Variants in MTCL2 observed in about 807,000 individuals in gnomAD.
MTCL2 encodes the protein microtubule cross-linking factor 2.
At chr20:36,826,244 C>T in the MTCL2 span, among the ~76,000 whole-genome samples, 1 of 149,576 alleles carries the variant, frequency 6.7e-6, no homozygotes, top group Non-Finnish European at 1.5e-5. Context: ...CTCCTGACCT[C>T]ATGATCCGCC....
the MTCL2 span, chr20:36,804,701 A>C: frequency 6.2e-7 from 1 of 1,604,676 alleles, no homozygotes; most frequent in Non-Finnish European, 8.5e-7. Flanking sequence ...GGCTGAGAGT[A>C]AGGGGAGAGG....
chr20:36,811,646 A>C, the MTCL2 span, among the ~76,000 whole-genome samples: 2 of 151,944 alleles, frequency 1.3e-5, no homozygotes, highest in African/African-American at 2.4e-5. Flanking sequence ...AAAAAACAAA[A>C]AAAAGAATAG....
chr20:36,862,543 G>A, the MTCL2 span: 64 of 1,021,724 alleles, frequency 6.3e-5, no homozygotes, highest in East Asian at 2.0e-3. Flanking sequence ...CAGAGGGCTT[G>A]GGCCCCTTTC....
At chr20:36,816,965 A>G in the MTCL2 span, among the ~76,000 whole-genome samples, 3 of 152,234 alleles carry the variant, frequency 2.0e-5, no homozygotes, top group South Asian at 6.2e-4. Flanking sequence ...GGGCAGTGAA[A>G]CTAAGAAAAT....
chr20:36,839,498 G>T, the MTCL2 span: 49 of 1,531,788 alleles, frequency 3.2e-5, no homozygotes, highest in African/African-American at 4.5e-4. This position sits in a 1 kb window ranked among gnomAD's most constrained non-coding sequence, Gnocchi z 5.1. Flanking sequence ...TAGGAGGCCG[G>T]AGTACTGGCC....
chr20:36,810,275 T>C, the MTCL2 span, among the ~76,000 whole-genome samples: 4 of 152,340 alleles, frequency 2.6e-5, no homozygotes, highest in Admixed American at 2.0e-4. Flanking sequence ...AGGGTCGTCA[T>C]GATGATTAAA....
the MTCL2 span, among the ~76,000 whole-genome samples, chr20:36,803,995 G>A: frequency 1.3e-5 from 2 of 151,446 alleles, no homozygotes; most frequent in Non-Finnish European, 2.9e-5. Context: ...GTGGAATTGG[G>A]GTCACAGGGA....
At chr20:36,839,300 T>C in the MTCL2 span, 1 of 1,612,628 alleles carries the variant, frequency 6.2e-7, no homozygotes, top group South Asian at 1.1e-5. The surrounding 1 kb of genome is among the most constrained non-coding windows in gnomAD (Gnocchi z 5.1). Flanking sequence ...CGCTCGGCTT[T>C]GCGCAGCCGG....
At chr20:36,829,973 T>A in the MTCL2 span, among the ~76,000 whole-genome samples, 1 of 152,056 alleles carries the variant, frequency 6.6e-6, no homozygotes, top group Non-Finnish European at 1.5e-5. Context: ...CACTCCAGCC[T>A]GGGCAATAAG....
At chr20:36,789,324 T>C in the MTCL2 span, among the ~76,000 whole-genome samples, 1 of 152,128 alleles carries the variant, frequency 6.6e-6, no homozygotes. Flanking sequence ...ACGTAAAACA[T>C]TGTTCTGGGT....
the MTCL2 span, among the ~76,000 whole-genome samples, chr20:36,853,470 A>G: frequency 6.6e-6 from 1 of 152,320 alleles, no homozygotes; most frequent in Middle Eastern, 3.4e-3. Flanking sequence ...AATAGCTAAC[A>G]TTGACAAGCG....
At chr20:36,823,677 G>A in the MTCL2 span, among the ~76,000 whole-genome samples, 3 of 152,058 alleles carry the variant, frequency 2.0e-5, no homozygotes, top group Admixed American at 1.3e-4. Context: ...GTGTGGTGGC[G>A]TGCGCCTATA....
At chr20:36,862,743 T>G in the MTCL2 span, 9 of 1,476,306 alleles carry the variant, frequency 6.1e-6, no homozygotes, top group Non-Finnish European at 8.1e-6. Context: ...CTCGGTGAGG[T>G]CGGAGAAGGC....
the MTCL2 span, among the ~76,000 whole-genome samples, chr20:36,810,425 T>C: frequency 6.6e-6 from 1 of 152,210 alleles, no homozygotes; most frequent in Non-Finnish European, 1.5e-5. Context: ...ATAATTGCAA[T>C]ATTTTAGAAA....
At chr20:36,795,190 C>A in the MTCL2 span, among the ~76,000 whole-genome samples, 6 of 152,092 alleles carry the variant, frequency 3.9e-5, no homozygotes, top group South Asian at 8.3e-4. Context: ...CCACCCGCCT[C>A]AGCCTCCCAA....
the MTCL2 span, among the ~76,000 whole-genome samples, chr20:36,837,953 T>C: frequency 6.6e-6 from 1 of 152,210 alleles, no homozygotes; most frequent in African/African-American, 2.4e-5. Flanking sequence ...ATGAGGACAC[T>C]GAAATTGATG....
the MTCL2 span, among the ~76,000 whole-genome samples, chr20:36,829,665 G>A: frequency 6.6e-5 from 10 of 152,030 alleles, no homozygotes; most frequent in South Asian, 1.5e-3. Context: ...CTACAGGTAT[G>A]CATAACCACA....
the MTCL2 span, chr20:36,809,910 C>A: frequency 6.5e-7 from 1 of 1,528,818 alleles, no homozygotes; most frequent in Admixed American, 2.0e-5. Flanking sequence ...GCCCATAGAT[C>A]CTCAAGGCCT....
At chr20:36,785,668 A>G in the MTCL2 span, 1 of 985,292 alleles carries the variant, frequency 1.0e-6, no homozygotes, top group Non-Finnish European at 1.2e-6. Context: ...TTAGGCATTT[A>G]TCTATGCACC....
Sources: gnomAD v4.1 joint callset for allele counts (sites outside exome capture counted in the v4.1 genomes callset) on GRCh38, gnomAD v4.1.1 for gene constraint, Gnocchi (gnomAD v3.1) non-coding constraint, MANE v1.5 for transcripts, NCBI Gene and HGNC (gene_info 2026-07-23, HGNC 2026-07-21) for gene names.